ZFHX3: variants seen among roughly 807,000 people sequenced by gnomAD.
ZFHX3 encodes zinc finger homeobox 3.
In ZFHX3, 42 loss-of-function variants were observed where a neutral mutation model predicts 279.1. The ratio of observed to expected loss-of-function variants is 0.15; its 90% confidence interval spans 0.12 to 0.19. The LOEUF is 0.19. ZFHX3 is among the 10% of genes least tolerant of loss of function. The pLI is 1.00. For missense variants in ZFHX3, 4,981 were observed against 4,754.0 expected (o/e 1.05, Z -1.40); for synonymous variants, 2,293 against 1,957.8 (o/e 1.17, Z -4.52).
At chr16:73,623,741 G>A (rs1343016058) in intron 2 of ZFHX3, among the ~76,000 whole-genome samples, 1 of 152,138 alleles carries the variant, frequency 6.6e-6, no homozygotes, top group Non-Finnish European at 1.5e-5. Flanking sequence ...ATGGGGAGGG[G>A]AAAATATAAC....
chr16:73,590,651 A>G (rs920995930), intron 2 of ZFHX3, among the ~76,000 whole-genome samples: 6 of 152,252 alleles, frequency 3.9e-5, no homozygotes, highest in Admixed American at 6.5e-5. Flanking sequence ...AAAATAATCA[A>G]GTATTTGTCA....
At chr16:73,497,001 C>A (rs2019152974) in intron 2 of ZFHX3, among the ~76,000 whole-genome samples, 1 of 152,218 alleles carries the variant, frequency 6.6e-6, no homozygotes, top group Non-Finnish European at 1.5e-5. Context: ...TTCCTTCAGG[C>A]TGAGGGTGGT....
intron 8 of ZFHX3, among the ~76,000 whole-genome samples, chr16:73,071,381 C>T (rs1304712807): frequency 6.6e-6 from 1 of 152,140 alleles, no homozygotes; most frequent in Non-Finnish European, 1.5e-5. Context: ...TGCCAGACCA[C>T]AGGTCCCAGC....
At chr16:72,979,777 G>A (rs1194683089) in intron 1 of ZFHX3, among the ~76,000 whole-genome samples, 4 of 152,104 alleles carry the variant, frequency 2.6e-5, no homozygotes, top group Admixed American at 1.3e-4. Flanking sequence ...AACAAAACTG[G>A]AGGAAATTTT....
intron 2 of ZFHX3, among the ~76,000 whole-genome samples, chr16:73,565,492 G>A (rs903660371): frequency 3.9e-5 from 6 of 152,156 alleles, no homozygotes; most frequent in African/African-American, 1.2e-4. Flanking sequence ...TTAACTGTGC[G>A]TCCTTTTCCC....
chr16:72,893,266 C>T (rs781655881), intron 3 of ZFHX3, among the ~76,000 whole-genome samples: 2 of 152,208 alleles, frequency 1.3e-5, no homozygotes, highest in African/African-American at 4.8e-5. Flanking sequence ...CCAAGAATCA[C>T]TAAAGCCTTA....
At chr16:72,989,863 C>T (rs571126591) in intron 1 of ZFHX3, among the ~76,000 whole-genome samples, 6 of 152,278 alleles carry the variant, frequency 3.9e-5, no homozygotes, top group African/African-American at 1.4e-4. Context: ...TGTTAGTCAG[C>T]ACCCAAGGGG....
In ZFHX3 at chr16:73,618,343, G is replaced by A. The variant is rs539176443; in HGVS notation, c.-1547+61837C>T. On this transcript the variant is annotated intron_variant, in intron 2 of 17. Transcript: ENST00000641206. The stretch of plus-strand genomic sequence containing the variant: ...CTATCTCACCACAAATGCAAAGATA[G>A]ATAAGATTCAGGAGATCTTCTGAAG... Among the ~76,000 whole-genome samples the A allele has an allele frequency of 9.2e-5, 14 of 152,294 alleles. No homozygotes were observed. In the East Asian group the frequency reaches 1.5e-3, roughly 17 times the overall value.
At chr16:73,361,402 A>C (rs2016432271) in intron 3 of ZFHX3, among the ~76,000 whole-genome samples, 2 of 152,268 alleles carry the variant, frequency 1.3e-5, no homozygotes, top group South Asian at 4.1e-4. Flanking sequence ...AAACGTGGAG[A>C]GGGACCACAG....
In ZFHX3 at chr16:72,783,447, C is replaced by G. The variant is rs1416069370; in HGVS notation, c.*3717G>C. ...TATATGTCCATGAACATCAAGTGCA[C>G]TGGCTTGGGTCACTGCCTCTCTCTC... On this transcript the variant is annotated 3_prime_UTR_variant, in exon 10 of 10. Transcript: ENST00000268489. 2 of 152,578 alleles carry G rather than the reference C, an allele frequency of 1.3e-5. No homozygotes were observed. Among genetic ancestry groups the G allele is most frequent in the Non-Finnish European group, 2.9e-5 (2 of 68,020 alleles). The allele number at this position is 152,578 out of a possible 1,614,324, so 9.5% of individuals were successfully genotyped here.
At chr16:73,580,370 C>A (rs1309851703) in intron 2 of ZFHX3, among the ~76,000 whole-genome samples, 1 of 151,820 alleles carries the variant, frequency 6.6e-6, no homozygotes, top group Admixed American at 6.6e-5. Flanking sequence ...CCCAACTGCT[C>A]GGGAGGCTGA....
intron 2 of ZFHX3, among the ~76,000 whole-genome samples, chr16:73,613,152 T>G (rs1442610699): frequency 6.6e-6 from 1 of 152,204 alleles, no homozygotes; most frequent in Non-Finnish European, 1.5e-5. Flanking sequence ...ATATTGGTAA[T>G]TTGTTATACA....
At position 72,889,861 on chromosome 16, in the gene ZFHX3, A is replaced by G. The variant is rs777823495; in HGVS notation, c.3318T>C (p.His1106=). 27 of 1,614,148 alleles carry G rather than the reference A, an allele frequency of 1.7e-5. No homozygotes were observed. Among genetic ancestry groups the G allele is most frequent in the South Asian group, 1.4e-4 (13 of 91,078 alleles). ...STKAKLNLIQ[H]VRSMKHQRSE... ...TTCGCTGGTGCTTCATGGAGCGCAC[A>G]TGCTGGATGAGGTTGAGCTTGGCCT... The change falls in exon 4 of 10, where the codon CAT becomes CAC. Residue 1106 remains histidine, a synonymous_variant. Transcript: ENST00000268489.
chr16:73,483,345 G>C, intron 2 of ZFHX3: 1 of 410,728 alleles, frequency 2.4e-6, no homozygotes. Context: ...GACAGAGAGA[G>C]AGAGAAAGAG....
rs563963524 is a variant in ZFHX3, at chr16:73,416,852, C to T, written c.-1291+39151G>A. On this transcript the variant is annotated intron_variant, in intron 3 of 17. Coordinates refer to the ZFHX3 transcript ENST00000641206. ...TCGCGCCACTGCACTCCAGCCTGGG[C>T]GACAGAGCGAGACTCCGTCTCAAAC... is the stretch of plus-strand genomic sequence containing the variant. Among the ~76,000 whole-genome samples, 57 of 151,436 alleles carry T rather than the reference C, an allele frequency of 3.8e-4. 1 individual carries two copies. The highest frequency in any genetic ancestry group is 3.8e-3 in the South Asian group (18 of 4,786).
intron 2 of ZFHX3, among the ~76,000 whole-genome samples, chr16:73,651,237 A>G (rs201378427): frequency 1.7e-4 from 5 of 28,892 alleles, no homozygotes; most frequent in Non-Finnish European, 4.2e-4. Flanking sequence ...ATACGAGGAG[A>G]AAAAAAAAAA....
At chr16:73,295,416 T>TGTA (rs1371902724) in intron 4 of ZFHX3, among the ~76,000 whole-genome samples, 1 of 152,190 alleles carries the variant, frequency 6.6e-6, no homozygotes, top group East Asian at 1.9e-4. Context: ...GAGTATCGAA[T>TGTA]GTAAGGTGTG....
intron 5 of ZFHX3, among the ~76,000 whole-genome samples, chr16:73,172,931 G>GTTTTTTTTTTTTTTTTTTT: frequency 1.0e-5 from 1 of 97,156 alleles, no homozygotes; most frequent in Non-Finnish European, 1.9e-5. Context: ...GCTGCCTGTG[G>GTTTTTTTTTTTTTTTTTTT]TTTTTTTTTT....
chr16:73,648,893 A>C (rs754088464), intron 2 of ZFHX3, among the ~76,000 whole-genome samples: 15 of 152,216 alleles, frequency 9.9e-5, no homozygotes, highest in Admixed American at 2.0e-4. Flanking sequence ...TTTGCCCTTC[A>C]ACATGGGTTG....
Sources: gnomAD v4.1 joint callset for allele counts (sites outside exome capture counted in the v4.1 genomes callset) on GRCh38, gnomAD v4.1.1 for gene constraint, MANE v1.5 for transcripts, NCBI Gene and HGNC (gene_info 2026-07-23, HGNC 2026-07-21) for gene names.